The following HPSE2 variants were observed in gnomAD, a reference collection of about 807,000 sequenced individuals.
HPSE2 encodes the protein heparanase 2 (inactive).
Under a neutral mutation model 60.5 loss-of-function variants are expected in HPSE2, and 38 were observed. The ratio of observed to expected loss-of-function variants is 0.63; its 90% CI spans 0.48 to 0.82. The LOEUF (loss-of-function observed/expected upper bound fraction) is 0.82. Ranked by LOEUF, HPSE2 falls within the 40% of genes least tolerant of loss-of-function variation. The pLI is 0.00. For missense variants in HPSE2, 713 were observed against 740.4 expected, an observed-to-expected ratio of 0.96 and a Z score of 0.43; for synonymous variants, 295 against 293.2, an observed-to-expected ratio of 1.01 and a Z score of -0.06.
intron 3 of HPSE2, among the ~76,000 whole-genome samples, chr10:98,843,767 C>T (rs1445500910): frequency 2.0e-5 from 3 of 152,232 alleles, no homozygotes; most frequent in Middle Eastern, 3.4e-3. Flanking sequence ...CTGCTCCTTC[C>T]CCAGGTTGGG....
At chr10:98,720,845 T>A (rs1380595494) in intron 5 of HPSE2, among the ~76,000 whole-genome samples, 1 of 152,070 alleles carries the variant, frequency 6.6e-6, no homozygotes, top group Non-Finnish European at 1.5e-5. Context: ...TGTGAAGCAA[T>A]GAGTAAAAAA....
intron 3 of HPSE2, among the ~76,000 whole-genome samples, chr10:98,983,708 G>T (rs1443384211): frequency 6.6e-6 from 1 of 152,224 alleles, no homozygotes; most frequent in Non-Finnish European, 1.5e-5. Flanking sequence ...GCCTCACCCG[G>T]GAAGTGCAAG....
chr10:98,803,061 C>T (rs1950953874), intron 3 of HPSE2, among the ~76,000 whole-genome samples: 1 of 151,166 alleles, frequency 6.6e-6, no homozygotes, highest in African/African-American at 2.4e-5. Context: ...TTGCATTTCT[C>T]TGATGGCCAG....
At chr10:98,949,138 A>T (rs1335751825) in intron 3 of HPSE2, among the ~76,000 whole-genome samples, 1 of 152,080 alleles carries the variant, frequency 6.6e-6, no homozygotes, top group African/African-American at 2.4e-5. Flanking sequence ...TTTCACCCAC[A>T]TACAAAAACA....
intron 3 of HPSE2, among the ~76,000 whole-genome samples, chr10:99,132,197 G>GAAA (rs1469649712): frequency 6.2e-5 from 1 of 16,142 alleles, no homozygotes; most frequent in African/African-American, 1.2e-4. Flanking sequence ...AAGAAAGAGA[G>GAAA]AGAGAGAGAG....
chr10:99,211,922 A>T (rs1848964950), intron 2 of HPSE2, among the ~76,000 whole-genome samples: 1 of 152,152 alleles, frequency 6.6e-6, no homozygotes, highest in African/African-American at 2.4e-5. Flanking sequence ...CAACCTAAAA[A>T]ATGAGAAAAT....
chr10:99,312,861 C>T, the HPSE2 span, among the ~76,000 whole-genome samples: 1 of 152,286 alleles, frequency 6.6e-6, no homozygotes, highest in Middle Eastern at 3.4e-3. Flanking sequence ...AATTGCAATC[C>T]CTAATACTGT....
chr10:98,905,311 T>G, intron 3 of HPSE2, among the ~76,000 whole-genome samples: 1 of 99,402 alleles, frequency 1.0e-5, no homozygotes, highest in East Asian at 3.2e-4. Context: ...CCCTCCCCCC[T>G]CCCCCGACCC....
chr10:99,109,567 T>C (rs1409934746), intron 3 of HPSE2, among the ~76,000 whole-genome samples: 2 of 151,998 alleles, frequency 1.3e-5, no homozygotes, highest in African/African-American at 4.8e-5. Flanking sequence ...TTGTGCTATA[T>C]GGGGTTGTCT....
At chr10:99,303,661 G>T in the HPSE2 span, among the ~76,000 whole-genome samples, 2 of 152,168 alleles carry the variant, frequency 1.3e-5, no homozygotes, top group Non-Finnish European at 2.9e-5. Context: ...AGGCACAAAA[G>T]GAGGACACCA....
intron 5 of HPSE2, among the ~76,000 whole-genome samples, chr10:98,700,601 A>G (rs1400808476): frequency 8.4e-6 from 1 of 119,702 alleles, no homozygotes; most frequent in Non-Finnish European, 1.8e-5. Context: ...CTTCATGTCT[A>G]AAACACCAAA....
chr10:98,830,581 A>G (rs1273969329), intron 3 of HPSE2, among the ~76,000 whole-genome samples: 1 of 152,184 alleles, frequency 6.6e-6, no homozygotes, highest in African/African-American at 2.4e-5. Flanking sequence ...GATAGCTACT[A>G]AGTCTAATTC....
rs1341703699 is a variant in HPSE2, at chr10:98,685,717, A to T, written c.1004+8183T>A. 3.3e-5 allele frequency among the ~76,000 whole-genome samples: 5 copies of T among 152,294 alleles called. No homozygotes were observed. The East Asian group carries it at 9.6e-4, about 29-fold the overall frequency. On this transcript the variant is annotated intron_variant, in intron 6 of 11. Coordinates refer to ENST00000370552, the MANE Select transcript of HPSE2 (RefSeq NM_021828.5). ...AATAAAACTGCTATAAACATCTTGTAAAAGTTTTTTTTGGTGGCATATGTT... is the reference window on the plus strand; with the variant it reads ...AATAAAACTGCTATAAACATCTTGTTAAAGTTTTTTTTGGTGGCATATGTT...
chr10:98,857,472 C>T (rs1316108510), intron 3 of HPSE2, among the ~76,000 whole-genome samples: 12 of 152,082 alleles, frequency 7.9e-5, no homozygotes, highest in Admixed American at 7.9e-4. Flanking sequence ...TGGTTGAGAA[C>T]ATTAAACACC....
chr10:98,618,671 GAT>G (rs1945988591), intron 8 of HPSE2, among the ~76,000 whole-genome samples: 1 of 152,148 alleles, frequency 6.6e-6, no homozygotes, highest in African/African-American at 2.4e-5. Context: ...CTGCTACCCA[GAT>G]TCAAGCAATT....
chr10:99,306,421 A>C, the HPSE2 span, among the ~76,000 whole-genome samples: 1 of 152,130 alleles, frequency 6.6e-6, no homozygotes, highest in African/African-American at 2.4e-5. Context: ...TATCCACAAT[A>C]AAAGCTAAAG....
Position 98,698,789 on chromosome 10 carries a change from T to TA in HPSE2, c.957-4843dup, listed in dbSNP as rs1427973595. 3.9e-5 allele frequency among the ~76,000 whole-genome samples: 6 copies of TA among 152,010 alleles called. No homozygotes were observed. The East Asian group carries it at 1.2e-3, about 29-fold the overall frequency. On this transcript the variant is annotated intron_variant, in intron 5 of 11. Transcript: ENST00000370552. ...AGAGAGAAGAATCAAATAGATGCAA[T>TA]AAAAAATGATAAAGGGGATATCACC...
At chr10:98,513,130 A>T (rs953410214) in intron 9 of HPSE2, among the ~76,000 whole-genome samples, 1 of 152,176 alleles carries the variant, frequency 6.6e-6, no homozygotes, top group Admixed American at 6.5e-5. Flanking sequence ...AGCACTTAGA[A>T]CATAAGGGTT....
At chr10:98,861,241 T>G (rs188466217) in intron 3 of HPSE2, among the ~76,000 whole-genome samples, 49 of 152,204 alleles carry the variant, frequency 3.2e-4, no homozygotes, top group Non-Finnish European at 5.7e-4. Context: ...AGAAATTATC[T>G]TGTTTATACA....
Sources: allele counts gnomAD v4.1 joint callset (sites outside exome capture counted in the v4.1 genomes callset), GRCh38; gene constraint gnomAD v4.1.1; transcripts MANE v1.5; gene names NCBI Gene and HGNC (gene_info 2026-07-23, HGNC 2026-07-21).